Variants in RIMS2 observed in about 807,000 individuals in gnomAD.
RIMS2 encodes the protein regulating synaptic membrane exocytosis protein 2.
In RIMS2, 59 loss-of-function variants were observed where a neutral mutation model predicts 174.4. The observed-to-expected ratio is 0.34, with a 90% CI of 0.27 to 0.42. The LOEUF (loss-of-function observed/expected upper bound fraction) is 0.42, where lower values mean the gene tolerates loss of function less well. RIMS2 is among the 10% of genes least tolerant of loss of function. The pLI is 1.00. For missense variants in RIMS2, 1,620 were observed against 1,666.3 expected (o/e 0.97, Z 0.48); for synonymous variants, 606 against 572.5 (o/e 1.06, Z -0.84).
intron 3 of RIMS2, among the ~76,000 whole-genome samples, chr8:103,852,806 A>G (rs537676005): frequency 7.2e-5 from 11 of 151,954 alleles, no homozygotes; most frequent in Non-Finnish European, 1.6e-4. Flanking sequence ...CCAATCTGTC[A>G]TTGATAGGCA....
At chr8:103,550,101 C>T (rs998997768) in intron 1 of RIMS2, among the ~76,000 whole-genome samples, 1 of 152,168 alleles carries the variant, frequency 6.6e-6, no homozygotes, top group South Asian at 2.1e-4. Context: ...CTGCACCAAG[C>T]AGACCTAATA....
Position 103,537,200 on chromosome 8 carries a change from C to T in RIMS2, c.176+36138C>T, listed in dbSNP as rs376303296. 7.2e-5 allele frequency among the ~76,000 whole-genome samples: 11 copies of T among 152,266 alleles called. No individual in the cohort carries two copies. In the East Asian group the frequency reaches 2.1e-3, roughly 29 times the overall value. The stretch of plus-strand genomic sequence containing the variant: ...TAAATTCATATAAAGCACTTGGCTA[C>T]ATAGTTAGGAGCTCAACTAACACAA... On this transcript the variant is annotated intron_variant, in intron 1 of 23. Coordinates refer to ENST00000504942, the Ensembl canonical transcript of RIMS2.
chr8:103,587,467 A>AGAAG (rs1563899874), intron 1 of RIMS2, among the ~76,000 whole-genome samples: 2 of 72,552 alleles, frequency 2.8e-5, no homozygotes, highest in East Asian at 4.7e-4. Context: ...AAAGAAAGAA[A>AGAAG]GAAACTATGC....
At chr8:104,066,964 A>G (rs924821966) in intron 19 of RIMS2, among the ~76,000 whole-genome samples, 4 of 152,178 alleles carry the variant, frequency 2.6e-5, no homozygotes, top group Admixed American at 2.6e-4. Context: ...AGAACTATCT[A>G]ATATGCAATG....
intron 3 of RIMS2, chr8:103,880,469 C>G (rs987007259): frequency 8.1e-6 from 3 of 371,256 alleles, no homozygotes; most frequent in Non-Finnish European, 1.4e-5. Context: ...ATGACTCCAT[C>G]CTTTGAATGA....
intron 16 of RIMS2, among the ~76,000 whole-genome samples, chr8:103,987,643 A>G (rs1169634352): frequency 6.6e-6 from 1 of 152,156 alleles, no homozygotes; most frequent in African/African-American, 2.4e-5. Context: ...ATGTTGAGAA[A>G]AGGAAATAAG....
chr8:103,608,311 G>C (rs1365021623), intron 1 of RIMS2, among the ~76,000 whole-genome samples: 1 of 143,006 alleles, frequency 7.0e-6, no homozygotes, highest in South Asian at 2.1e-4. Context: ...TAGGCTGCTC[G>C]GGGGTCAGGG....
intron 1 of RIMS2, among the ~76,000 whole-genome samples, chr8:103,572,940 A>G (rs893320079): frequency 1.3e-5 from 2 of 152,004 alleles, no homozygotes; most frequent in Non-Finnish European, 2.9e-5. Flanking sequence ...TCTATGTTTC[A>G]TTTGCTTTAG....
intron 1 of RIMS2, among the ~76,000 whole-genome samples, chr8:103,688,224 T>C (rs746233720): frequency 1.3e-5 from 2 of 152,124 alleles, no homozygotes; most frequent in South Asian, 4.1e-4. Flanking sequence ...TGATGTTAGC[T>C]GTGGGTTTGT....
intron 3 of RIMS2, among the ~76,000 whole-genome samples, chr8:103,858,132 G>A (rs533406975): frequency 6.6e-6 from 1 of 152,274 alleles, no homozygotes; most frequent in Non-Finnish European, 1.5e-5. Context: ...TCTAGGACTT[G>A]CAGCCAAATG....
intron 19 of RIMS2, among the ~76,000 whole-genome samples, chr8:104,069,858 G>A (rs1443271527): frequency 6.6e-6 from 1 of 152,024 alleles, no homozygotes; most frequent in South Asian, 2.1e-4. Flanking sequence ...AAAATACTTT[G>A]TTCTGATATA....
chr8:103,768,708 A>G (rs1285642592), intron 3 of RIMS2: 2 of 769,806 alleles, frequency 2.6e-6, no homozygotes, highest in Non-Finnish European at 4.8e-6. Context: ...GAATCCACAA[A>G]CTTTTCAATC....
intron 3 of RIMS2, among the ~76,000 whole-genome samples, chr8:103,863,228 GC>G (rs1156921659): frequency 6.6e-6 from 1 of 152,074 alleles, no homozygotes; most frequent in African/African-American, 2.4e-5. Context: ...ATAATCATAT[GC>G]TTTTTGTTTT....
At chr8:103,969,922 T>C (rs752055489) in intron 15 of RIMS2, among the ~76,000 whole-genome samples, 11 of 152,126 alleles carry the variant, frequency 7.2e-5, no homozygotes, top group Non-Finnish European at 1.3e-4. Context: ...TTTATTTTTG[T>C]ATTTTTTAGT....
chr8:103,596,620 A>T (rs2094488276), intron 1 of RIMS2, among the ~76,000 whole-genome samples: 1 of 152,080 alleles, frequency 6.6e-6, no homozygotes, highest in Non-Finnish European at 1.5e-5. Flanking sequence ...TCTGATCGTC[A>T]TACATTATAT....
intron 2 of RIMS2, among the ~76,000 whole-genome samples, chr8:103,758,430 T>C (rs191340383): frequency 5.9e-5 from 9 of 152,304 alleles, no homozygotes; most frequent in Non-Finnish European, 2.9e-5. Context: ...TACAAGTGTG[T>C]CCCACTTGCC....
At chr8:103,813,509 C>T (rs912430560) in intron 3 of RIMS2, among the ~76,000 whole-genome samples, 9 of 152,004 alleles carry the variant, frequency 5.9e-5, no homozygotes, top group African/African-American at 1.9e-4. Context: ...CCCATTAACT[C>T]GTCATTTACA....
chr8:103,574,917 C>T (rs183947908), intron 1 of RIMS2, among the ~76,000 whole-genome samples: 199 of 152,218 alleles, frequency 1.3e-3, no homozygotes, highest in African/African-American at 4.6e-3. Flanking sequence ...GACTTTTAAC[C>T]ATATTACAAT....
At chr8:104,114,306 G>T (rs1023079885) in intron 19 of RIMS2, among the ~76,000 whole-genome samples, 2 of 151,796 alleles carry the variant, frequency 1.3e-5, no homozygotes. Flanking sequence ...CATTTCACTT[G>T]CTATATACTA....
Sources: allele counts gnomAD v4.1 joint callset (sites outside exome capture counted in the v4.1 genomes callset), GRCh38; gene constraint gnomAD v4.1.1; transcripts MANE v1.5; gene names NCBI Gene and HGNC (gene_info 2026-07-23, HGNC 2026-07-21).